Variants in TTC7B observed in about 807,000 individuals in gnomAD.
TTC7B encodes tetratricopeptide repeat protein 7B.
TTC7B carries 28 observed loss-of-function variants against 106.8 expected under a neutral mutation model. The ratio of observed to expected loss-of-function variants is 0.26; its 90% CI spans 0.19 to 0.36. TTC7B has a LOEUF of 0.36. Among genes scored for constraint, TTC7B ranks in the 10% least tolerant of loss-of-function variants. The pLI is 1.00. For synonymous variants in TTC7B, 405 were observed against 430.6 expected (o/e 0.94, Z 0.74); for missense variants, 862 against 1,076.4 (o/e 0.80, Z 2.79).
intron 19 of TTC7B, among the ~76,000 whole-genome samples, chr14:90,551,694 G>A (rs571150370): frequency 1.3e-5 from 2 of 152,328 alleles, no homozygotes; most frequent in South Asian, 2.1e-4. Flanking sequence ...ACAGGAGACT[G>A]GCTTTGAAAG....
intron 19 of TTC7B, among the ~76,000 whole-genome samples, chr14:90,574,969 T>C (rs1329329690): frequency 6.6e-6 from 1 of 152,074 alleles, no homozygotes; most frequent in Admixed American, 6.5e-5. Context: ...AAACTCCTTC[T>C]AGTCTTGACC....
In TTC7B at chr14:90,577,427, G is replaced by A. The variant is rs1484574182; in HGVS notation, c.2310+679C>T. On this transcript the variant is annotated intron_variant, in intron 19 of 19. Transcript: ENST00000328459. This position sits in a 1 kb window ranked among gnomAD's most constrained non-coding sequence, Gnocchi z 5.0. ...ACACGGCCAGGTGGCCGGCTCCAGG[G>A]TCTCTCAAGAATGATCCATGGCAAG... 6.6e-6 allele frequency among the ~76,000 whole-genome samples: 1 copy of A among 152,218 alleles called. No homozygotes were observed. The highest frequency in any genetic ancestry group is 1.5e-5 in the Non-Finnish European group (1 of 68,036).
chr14:90,770,428 G>A (rs932310422), intron 3 of TTC7B, among the ~76,000 whole-genome samples: 15 of 152,028 alleles, frequency 9.9e-5, no homozygotes, highest in African/African-American at 3.4e-4. Flanking sequence ...AGGCTGAGGC[G>A]GGCAGATCAC....
intron 5 of TTC7B, among the ~76,000 whole-genome samples, chr14:90,726,068 T>C (rs1207111895): frequency 6.6e-6 from 1 of 152,212 alleles, no homozygotes; most frequent in Non-Finnish European, 1.5e-5. Context: ...ATCGTACCAC[T>C]GCATTCCAGC....
intron 5 of TTC7B, among the ~76,000 whole-genome samples, chr14:90,721,982 G>A (rs139857834): frequency 2.6e-5 from 4 of 152,288 alleles, no homozygotes; most frequent in Admixed American, 6.5e-5. Flanking sequence ...TGGAGCTTCC[G>A]GATTTTCCGA....
At position 90,578,573 on chromosome 14, in the gene TTC7B, G is replaced by C. The variant is rs1891359591; in HGVS notation, c.2108-265C>G. 6.6e-6 allele frequency among the ~76,000 whole-genome samples: 1 copy of C among 152,044 alleles called. No homozygotes were observed. The highest frequency in any genetic ancestry group is 1.5e-5 in the Non-Finnish European group (1 of 67,998). ...GAGCAGTGAGGCCTGCCTGGTCCCTGCCCCAACCTCTGAGGGCACCCACCC... is the reference window on the plus strand; with the variant it reads ...GAGCAGTGAGGCCTGCCTGGTCCCTCCCCCAACCTCTGAGGGCACCCACCC... On this transcript the variant is annotated intron_variant, in intron 18 of 19. Transcript: ENST00000328459. The surrounding 1 kb of genome is among the most constrained non-coding windows in gnomAD (Gnocchi z 4.7).
At chr14:90,758,836 C>G (rs960695009) in intron 3 of TTC7B, among the ~76,000 whole-genome samples, 3 of 152,204 alleles carry the variant, frequency 2.0e-5, no homozygotes, top group African/African-American at 7.2e-5. Flanking sequence ...ACCCCTCACT[C>G]CCCTTCTCAA....
At chr14:90,798,402 G>A (rs2030012100) in intron 1 of TTC7B, among the ~76,000 whole-genome samples, 2 of 152,152 alleles carry the variant, frequency 1.3e-5, no homozygotes, top group African/African-American at 4.8e-5. Context: ...GCTGAAAAAA[G>A]CAAGACACAA....
At chr14:90,737,093 A>G (rs975994636) in intron 4 of TTC7B, among the ~76,000 whole-genome samples, 1 of 152,114 alleles carries the variant, frequency 6.6e-6, no homozygotes, top group Non-Finnish European at 1.5e-5. Context: ...TAAACATGGA[A>G]AATTACTGGT....
chr14:90,654,173 T>C (rs1043478893), intron 12 of TTC7B, among the ~76,000 whole-genome samples: 1 of 152,002 alleles, frequency 6.6e-6, no homozygotes. Context: ...AGAAGGGAGT[T>C]TGTGATTGGG....
In TTC7B at chr14:90,644,068, A is replaced by G; in HGVS notation, c.1731T>C (p.Ser577=). 1 of 1,613,992 alleles carries G rather than the reference A, an allele frequency of 6.2e-7. No homozygotes were observed. The highest frequency in any genetic ancestry group is 1.1e-5 in the South Asian group (1 of 91,074). The change falls in exon 15 of 20, where the codon AGT becomes AGC. Residue 577 remains serine, a synonymous_variant. Coordinates refer to ENST00000328459, the MANE Select transcript of TTC7B (RefSeq NM_001010854.2). ...CTTACATGAAATTTTCTGGGTATTC[A>G]CTCAGGGCCATGTCGATGATGTTCA... ...DALNIIDMAL[S]EYPENFILLF... is the part of the protein sequence containing the mutation.
intron 17 of TTC7B, among the ~76,000 whole-genome samples, chr14:90,598,528 G>A (rs973952921): frequency 6.6e-6 from 1 of 152,130 alleles, no homozygotes; most frequent in Non-Finnish European, 1.5e-5. Context: ...TTCCTCACGG[G>A]CCAAGAGGAC....
intron 9 of TTC7B, among the ~76,000 whole-genome samples, chr14:90,675,512 C>T (rs907852542): frequency 6.6e-6 from 1 of 152,170 alleles, no homozygotes; most frequent in Non-Finnish European, 1.5e-5. Context: ...GGCATCTGCA[C>T]ACACTGCTTT....
intron 19 of TTC7B, among the ~76,000 whole-genome samples, chr14:90,557,874 A>G (rs1285992926): frequency 1.3e-5 from 2 of 152,234 alleles, no homozygotes; most frequent in African/African-American, 4.8e-5. Context: ...CTGGATTTAC[A>G]GGAAACTCTG....
intron 17 of TTC7B, among the ~76,000 whole-genome samples, chr14:90,609,987 C>T (rs1460677643): frequency 6.6e-6 from 1 of 152,154 alleles, no homozygotes; most frequent in African/African-American, 2.4e-5. Context: ...GAACAAAATT[C>T]TTTAAAATAT....
chr14:90,570,808 G>A lies in TTC7B; in HGVS notation c.2310+7298C>T, dbSNP rs573456389. 6.6e-5 allele frequency among the ~76,000 whole-genome samples: 10 copies of A among 152,202 alleles called. No homozygotes were observed. Among genetic ancestry groups the A allele is most frequent in the African/African-American group, 1.9e-4 (8 of 41,528 alleles). On this transcript the variant is annotated intron_variant, in intron 19 of 19. Coordinates refer to ENST00000328459, the MANE Select transcript of TTC7B (RefSeq NM_001010854.2). The surrounding 1 kb of genome is among the most constrained non-coding windows in gnomAD (Gnocchi z 4.0). Reference sequence around the variant, plus strand: ...GGCACCCTGCTAACTCATTTAACCCGCACAGCAACACCACCGGGCACTGTT... The same window carrying A: ...GGCACCCTGCTAACTCATTTAACCCACACAGCAACACCACCGGGCACTGTT...
Position 90,786,190 on chromosome 14 carries a change from T to A in TTC7B, c.260A>T (p.Asp87Val). ...EVRKHLTAAL[D>V]RGNLKSEFLQ... The stretch of plus-strand genomic sequence containing the variant: ...CCATGGTACCTTAAGGTTCCCTCGG[T>A]CCAGGGCGGCGGTCAGATGCTTGCG... Residue 87 changes from aspartate to valine, a missense_variant, in exon 2 of 20, where the codon GAC (aspartate) becomes GTC (valine). Asp to Val is a radical substitution (Grantham distance 152, BLOSUM62 -3). Transcript: ENST00000328459. 6.4e-7 allele frequency: 1 copy of A among 1,574,406 alleles called. No homozygotes were observed. Among genetic ancestry groups the A allele is most frequent in the Non-Finnish European group, 8.6e-7 (1 of 1,162,382 alleles).
intron 15 of TTC7B, among the ~76,000 whole-genome samples, chr14:90,631,734 A>G (rs1884713883): frequency 2.0e-5 from 3 of 152,080 alleles, no homozygotes; most frequent in Admixed American, 2.0e-4. Flanking sequence ...TATTCCCACT[A>G]GCAATGCACA....
chr14:90,678,886 A>G (rs1298411521), intron 8 of TTC7B, among the ~76,000 whole-genome samples: 1 of 152,208 alleles, frequency 6.6e-6, no homozygotes, highest in Non-Finnish European at 1.5e-5. Flanking sequence ...CAGGTAATCT[A>G]AAATGTACAG....
Sources: gnomAD v4.1 joint callset for allele counts (sites outside exome capture counted in the v4.1 genomes callset) on GRCh38, gnomAD v4.1.1 for gene constraint, Gnocchi (gnomAD v3.1) non-coding constraint, MANE v1.5 for transcripts, NCBI Gene and HGNC (gene_info 2026-07-23, HGNC 2026-07-21) for gene names.